Variants in KLF12 observed in about 807,000 individuals in gnomAD.
KLF12 encodes KLF transcription factor 12.
KLF12 carries 9 observed loss-of-function variants against 37.8 expected under a neutral mutation model. The ratio of observed to expected loss-of-function variants is 0.24; its 90% confidence interval spans 0.14 to 0.42. The LOEUF (loss-of-function observed/expected upper bound fraction) is 0.42. Among genes scored for constraint, KLF12 ranks in the 10% least tolerant of loss-of-function variants. The pLI is 1.00. For synonymous variants in KLF12, 208 were observed against 202.1 expected, an observed-to-expected ratio of 1.03 and a Z score of -0.25; for missense variants, 411 against 516.0, an observed-to-expected ratio of 0.80 and a Z score of 1.97.
chr13:73,715,136 T>A (rs532125300), intron 7 of KLF12, among the ~76,000 whole-genome samples: 1 of 152,292 alleles, frequency 6.6e-6, no homozygotes, highest in East Asian at 1.9e-4. Context: ...ATGCTGACTG[T>A]GAGAAAGACT....
chr13:74,243,628 C>T, the KLF12 span, among the ~76,000 whole-genome samples: 72 of 152,298 alleles, frequency 4.7e-4, no homozygotes, highest in African/African-American at 1.7e-3. Flanking sequence ...TGTTTCCTGA[C>T]TTTTTAATGG....
At chr13:74,241,079 C>G in the KLF12 span, among the ~76,000 whole-genome samples, 1 of 151,956 alleles carries the variant, frequency 6.6e-6, no homozygotes, top group East Asian at 1.9e-4. Flanking sequence ...GTGGTTTTAT[C>G]TACTTTTGGT....
At chr13:74,072,436 G>A (rs182781158) in intron 1 of KLF12, among the ~76,000 whole-genome samples, 10 of 114,632 alleles carry the variant, frequency 8.7e-5, no homozygotes, top group South Asian at 6.1e-4. Context: ...ACTAAACAAC[G>A]TTAAAAATAG....
the KLF12 span, among the ~76,000 whole-genome samples, chr13:74,171,480 G>T: frequency 6.6e-6 from 1 of 152,162 alleles, no homozygotes; most frequent in Non-Finnish European, 1.5e-5. Flanking sequence ...CTAAATAGGA[G>T]GGAAAACCGC....
the KLF12 span, among the ~76,000 whole-genome samples, chr13:74,272,238 G>T: frequency 6.6e-6 from 1 of 152,068 alleles, no homozygotes; most frequent in Non-Finnish European, 1.5e-5. Flanking sequence ...AAGATTAATA[G>T]TCAATTTAGT....
chr13:74,047,016 T>TA (rs1342599790), intron 1 of KLF12, among the ~76,000 whole-genome samples: 1 of 152,172 alleles, frequency 6.6e-6, no homozygotes, highest in Non-Finnish European at 1.5e-5. Context: ...GAAATTAACA[T>TA]ATATATTGGT....
intron 5 of KLF12, among the ~76,000 whole-genome samples, chr13:73,774,832 C>T (rs1160016946): frequency 6.6e-6 from 1 of 151,072 alleles, no homozygotes; most frequent in Non-Finnish European, 1.5e-5. Flanking sequence ...CAGTTATTAT[C>T]AATAACAATC....
At chr13:73,701,703 T>C (rs142058900) in intron 7 of KLF12, among the ~76,000 whole-genome samples, 50 of 152,236 alleles carry the variant, frequency 3.3e-4, no homozygotes, top group African/African-American at 1.2e-3. Flanking sequence ...AGGACACTAG[T>C]TGGGTAACGG....
At chr13:74,057,177 T>C (rs1873291841) in intron 1 of KLF12, among the ~76,000 whole-genome samples, 1 of 152,338 alleles carries the variant, frequency 6.6e-6, no homozygotes, top group East Asian at 1.9e-4. Context: ...TTTGTTGCCC[T>C]TATCTTCATT....
intron 4 of KLF12, among the ~76,000 whole-genome samples, chr13:73,833,503 A>G (rs888691490): frequency 3.9e-5 from 6 of 152,174 alleles, no homozygotes; most frequent in African/African-American, 1.4e-4. Context: ...GATGGTATTC[A>G]CTCATTCTGC....
At chr13:74,301,373 TC>T in the KLF12 span, among the ~76,000 whole-genome samples, 1 of 152,184 alleles carries the variant, frequency 6.6e-6, no homozygotes, top group Non-Finnish European at 1.5e-5. Context: ...ATGATGACAG[TC>T]CCCAATACAG....
chr13:73,997,208 G>A (rs1262955654), intron 1 of KLF12, among the ~76,000 whole-genome samples: 1 of 152,100 alleles, frequency 6.6e-6, no homozygotes, highest in Non-Finnish European at 1.5e-5. Context: ...TGAGGACACA[G>A]ATTAGAGTTG....
At chr13:74,283,081 C>T in the KLF12 span, among the ~76,000 whole-genome samples, 2 of 152,124 alleles carry the variant, frequency 1.3e-5, no homozygotes, top group Admixed American at 1.3e-4. Context: ...TATTTCTCTA[C>T]CTTAAAAACA....
intron 2 of KLF12, among the ~76,000 whole-genome samples, chr13:73,955,284 C>T (rs558218465): frequency 2.1e-4 from 32 of 152,238 alleles, no homozygotes; most frequent in Non-Finnish European, 3.4e-4. Context: ...TGACTCTTTG[C>T]AGAAACCACT....
the KLF12 span, among the ~76,000 whole-genome samples, chr13:74,166,319 T>C: frequency 6.6e-6 from 1 of 152,112 alleles, no homozygotes; most frequent in Non-Finnish European, 1.5e-5. Context: ...CTCAAACTCC[T>C]GGGCTCAAGG....
the KLF12 span, among the ~76,000 whole-genome samples, chr13:74,218,118 A>G: frequency 6.6e-6 from 1 of 152,348 alleles, no homozygotes; most frequent in East Asian, 1.9e-4. Context: ...CAAAACTGCA[A>G]GCCTTAAAAA....
At chr13:73,804,184 T>C (rs1228206825) in intron 5 of KLF12, among the ~76,000 whole-genome samples, 1 of 152,158 alleles carries the variant, frequency 6.6e-6, no homozygotes, top group Non-Finnish European at 1.5e-5. Flanking sequence ...CCACTCGGAG[T>C]TACATGTCAT....
At chr13:73,841,140 G>A (rs1884713355) in intron 4 of KLF12, among the ~76,000 whole-genome samples, 1 of 152,160 alleles carries the variant, frequency 6.6e-6, no homozygotes, top group South Asian at 2.1e-4. Flanking sequence ...GTAGGGACTT[G>A]CTCATTTTGG....
intron 2 of KLF12, among the ~76,000 whole-genome samples, chr13:73,955,448 A>G (rs4412864): frequency 0.73 from 111,160 of 152,030 alleles, 41,349 homozygotes; most frequent in East Asian, 0.89. Context: ...AATTATGGTA[A>G]ATGGCAGCAA....
Sources: allele counts gnomAD v4.1 joint callset (sites outside exome capture counted in the v4.1 genomes callset), GRCh38; gene constraint gnomAD v4.1.1; transcripts MANE v1.5; gene names NCBI Gene and HGNC (gene_info 2026-07-23, HGNC 2026-07-21).